FBN1: variants seen among roughly 807,000 people sequenced by gnomAD.
The protein encoded by FBN1 is fibrillin-1.
FBN1 carries 29 observed loss-of-function variants against 365.1 expected under a neutral mutation model. The observed-to-expected ratio is 0.08, with a 90% confidence interval of 0.06 to 0.11. The LOEUF (loss-of-function observed/expected upper bound fraction) is 0.11, where lower values mean the gene tolerates loss of function less well. Ranked by LOEUF, FBN1 falls within the 10% of genes least tolerant of loss-of-function variation. FBN1 has a pLI of 1.00. For synonymous variants in FBN1, 1,210 were observed against 1,270.5 expected (o/e 0.95, Z 1.01); for missense variants, 2,476 against 3,703.2 (o/e 0.67, Z 8.60).
intron 6 of FBN1, among the ~76,000 whole-genome samples, chr15:48,567,119 C>G (rs2044263576): frequency 6.6e-6 from 1 of 152,166 alleles, no homozygotes; most frequent in African/African-American, 2.4e-5. Context: ...TTACACCAGA[C>G]TAAAAGCTGG....
intron 40 of FBN1, among the ~76,000 whole-genome samples, chr15:48,465,010 C>T (rs1413452511): frequency 1.3e-5 from 2 of 152,322 alleles, no homozygotes; most frequent in South Asian, 2.1e-4. Flanking sequence ...TGTGTGATTC[C>T]TCCATGTAGA....
At chr15:48,547,731 A>T (rs1228517163) in intron 6 of FBN1, among the ~76,000 whole-genome samples, 3 of 71,968 alleles carry the variant, frequency 4.2e-5, no homozygotes, top group Admixed American at 1.3e-4. Context: ...TCACACACAC[A>T]CACACACACA....
chr15:48,526,167 A>G lies in FBN1; in HGVS notation c.951T>C (p.Pro317=). The G allele has an allele frequency of 6.2e-7, 1 of 1,614,170 alleles. No homozygotes were observed. Among genetic ancestry groups the G allele is most frequent in the African/African-American group, 1.3e-5 (1 of 75,060 alleles). Residue 317 remains proline, a synonymous_variant, in exon 9 of 66, where the codon CCT becomes CCC. Transcript: ENST00000316623. The part of the protein sequence containing the change: ...TVSSYFCKCP[P]GFYTSPDGTR... ...TACCATCTGGAGAGGTGTAAAAACC[A>G]GGGGGACATTTGCAAAAGTAACTGC...
chr15:48,497,560 T>G (rs2043618771), intron 18 of FBN1, among the ~76,000 whole-genome samples, 169 bp from the exon 19 acceptor site: 1 of 152,192 alleles, frequency 6.6e-6, no homozygotes, highest in African/African-American at 2.4e-5. Context: ...CTGTAAGATA[T>G]TCTGAGTCCA....
At chr15:48,633,231 T>C (rs920079370) in intron 2 of FBN1, among the ~76,000 whole-genome samples, 1 of 152,160 alleles carries the variant, frequency 6.6e-6, no homozygotes, top group Non-Finnish European at 1.5e-5. Context: ...TAGGCAGATG[T>C]TTTACAGTAT....
intron 6 of FBN1, among the ~76,000 whole-genome samples, chr15:48,547,741 ACACAC>A (rs2044106732): frequency 6.9e-6 from 1 of 145,334 alleles, no homozygotes; most frequent in African/African-American, 2.5e-5. Context: ...ACACACACAC[ACACAC>A]ACACACACAC....
chr15:48,467,794 G>T, intron 38 of FBN1, 144 bp downstream of exon 38: 1 of 770,734 alleles, frequency 1.3e-6, no homozygotes. Flanking sequence ...TCTGACTCTC[G>T]AATTGGGAAT....
intron 53 of FBN1, among the ~76,000 whole-genome samples, chr15:48,435,770 A>ATATATATGTGTGTATATATATG (rs1555395094): frequency 0.026 from 575 of 21,906 alleles, 8 homozygotes; most frequent in African/African-American, 0.048. Flanking sequence ...ATATATGTGT[A>ATATATATGTGTGTATATATATG]TATGTGTGTG....
rs752192006 is a variant in FBN1, at chr15:48,434,661, A to G, written c.6549T>C (p.Asn2183=). 13 of 1,613,740 alleles carry G rather than the reference A, an allele frequency of 8.1e-6. No individual in the cohort carries two copies. The South Asian group carries it at 1.4e-4, about 18-fold the overall frequency. ...GNPCGNGTCK[N]VIGGFECTCE... ...AGGTGCATTCAAAACCTCCAATCACATTCTTGCAGGTTCCATTTCCACAAG... is the reference window on the plus strand; with the variant it reads ...AGGTGCATTCAAAACCTCCAATCACGTTCTTGCAGGTTCCATTTCCACAAG... The change falls in exon 54 of 66, where the codon AAT becomes AAC. Residue 2183 remains asparagine (N), a synonymous_variant. Coordinates refer to ENST00000316623, the MANE Select transcript of FBN1 (RefSeq NM_000138.5).
At chr15:48,462,140 C>T (rs1426252264) in intron 42 of FBN1, among the ~76,000 whole-genome samples, 1 of 152,154 alleles carries the variant, frequency 6.6e-6, no homozygotes, top group Non-Finnish European at 1.5e-5. Flanking sequence ...TACCAAACAA[C>T]AGATTTAATA....
intron 6 of FBN1, among the ~76,000 whole-genome samples, chr15:48,595,448 A>G (rs1215597094): frequency 6.6e-6 from 1 of 152,200 alleles, no homozygotes; most frequent in East Asian, 1.9e-4. Context: ...GATGATGAGA[A>G]AAAAATCTAT....
At chr15:48,554,037 G>T (rs1016356992) in intron 6 of FBN1, among the ~76,000 whole-genome samples, 2 of 152,186 alleles carry the variant, frequency 1.3e-5, no homozygotes, top group East Asian at 3.8e-4. Flanking sequence ...TTTGCCCAAG[G>T]TTCTACAAAC....
chr15:48,596,404 C>T lies in FBN1; in HGVS notation c.443-26G>A, dbSNP rs199871328. On this transcript the variant is annotated intron_variant, in intron 5 of 65. Coordinates refer to ENST00000316623, the MANE Select transcript of FBN1 (RefSeq NM_000138.5). The stretch of plus-strand genomic sequence containing the variant: ...CTGTAAAATAAGGAGAGAGCTGAGA[C>T]GCTTTACCTGAAAATAAATGCTAAT... 2.8e-5 allele frequency: 45 copies of T among 1,595,980 alleles called. No individual in the cohort carries two copies. The African/African-American group carries it at 3.1e-4, about 11-fold the overall frequency.
At chr15:48,495,933 A>G (rs1226026400) in intron 20 of FBN1, among the ~76,000 whole-genome samples, 167 bp downstream of exon 20, 5 of 152,234 alleles carry the variant, frequency 3.3e-5, no homozygotes, top group Admixed American at 6.5e-5. Flanking sequence ...AGTAAATACC[A>G]TAAGTGGCTT....
chr15:48,556,080 G>GA (rs1377382428), intron 6 of FBN1, among the ~76,000 whole-genome samples: 7 of 152,134 alleles, frequency 4.6e-5, no homozygotes, highest in Non-Finnish European at 8.8e-5. Context: ...CATCCCAGGG[G>GA]AAAATGCAAC....
At chr15:48,477,008 T>C (rs916428599) in intron 32 of FBN1, among the ~76,000 whole-genome samples, 3 of 152,118 alleles carry the variant, frequency 2.0e-5, no homozygotes, top group Non-Finnish European at 4.4e-5. Context: ...GAATATTAAC[T>C]GACTTATAGA....
chr15:48,588,268 A>G (rs1258367397), intron 6 of FBN1, among the ~76,000 whole-genome samples: 7 of 152,162 alleles, frequency 4.6e-5, no homozygotes, highest in Admixed American at 2.6e-4. Context: ...TTTCAGATAT[A>G]TTGGGTTAAA....
intron 7 of FBN1, among the ~76,000 whole-genome samples, chr15:48,534,549 A>C (rs1218505846): frequency 5.9e-5 from 9 of 152,238 alleles, no homozygotes; most frequent in Admixed American, 5.9e-4. Flanking sequence ...TCACGGCCTC[A>C]TTTTTATCTC....
At chr15:48,579,263 C>G (rs775259148) in intron 6 of FBN1, among the ~76,000 whole-genome samples, 5 of 152,056 alleles carry the variant, frequency 3.3e-5, no homozygotes. Context: ...ATGCTTACAA[C>G]AGAACATTTC....
Sources: gnomAD v4.1 joint callset for allele counts (sites outside exome capture counted in the v4.1 genomes callset) on GRCh38, gnomAD v4.1.1 for gene constraint, MANE v1.5 for transcripts, NCBI Gene and HGNC (gene_info 2026-07-23, HGNC 2026-07-21) for gene names.